Variants in BAIAP2L1 observed in about 807,000 individuals in gnomAD.
BAIAP2L1 encodes the protein BAR/IMD domain containing adaptor protein 2 like 1, also known as BAR/IMD domain-containing adapter protein 2-like 1.
BAIAP2L1 carries 35 observed loss-of-function variants against 66.3 expected under a neutral mutation model. The ratio of observed to expected loss-of-function variants is 0.53; its 90% CI spans 0.40 to 0.70. The LOEUF (loss-of-function observed/expected upper bound fraction) is 0.70. Among genes scored for constraint, BAIAP2L1 ranks in the 30% least tolerant of loss-of-function variants. The probability of loss-of-function intolerance (pLI) is 0.00; values close to 1 mark genes in which losing one functional copy is unlikely to be tolerated. For synonymous variants in BAIAP2L1, 269 were observed against 248.7 expected, an observed-to-expected ratio of 1.08 and a Z score of -0.77; for missense variants, 622 against 656.9, an observed-to-expected ratio of 0.95 and a Z score of 0.58.
At chr7:98,319,061 T>C (rs1035465309) in intron 5 of BAIAP2L1, among the ~76,000 whole-genome samples, 1 of 152,138 alleles carries the variant, frequency 6.6e-6, no homozygotes, top group South Asian at 2.1e-4. Context: ...GTCCGGGTCC[T>C]GTGGCCTCCT....
Position 98,320,318 on chromosome 7 carries a change from T to A in BAIAP2L1, c.215-20A>T. The A allele has an allele frequency of 6.4e-7, 1 of 1,554,290 alleles. No individual in the cohort carries two copies. The highest frequency in any genetic ancestry group is 1.2e-5 in the South Asian group (1 of 85,120). ...CATGTCCTGGGAACAAAACCAGATATGTTAGCGGGAAGCCATTGCGTATTT... is the reference window on the plus strand; with the variant it reads ...CATGTCCTGGGAACAAAACCAGATAAGTTAGCGGGAAGCCATTGCGTATTT... On this transcript the variant is annotated intron_variant, in intron 3 of 13. Coordinates refer to ENST00000005260, the MANE Select transcript of BAIAP2L1 (RefSeq NM_018842.5).
At chr7:98,361,738 CTTTT>C (rs1388923492) in intron 2 of BAIAP2L1, among the ~76,000 whole-genome samples, 2 of 151,908 alleles carry the variant, frequency 1.3e-5, no homozygotes, top group Middle Eastern at 3.2e-3. Context: ...AAAATTTCTT[CTTTT>C]TTTTCTTTTT....
At chr7:98,359,745 GTTT>G (rs780836343) in intron 2 of BAIAP2L1, among the ~76,000 whole-genome samples, 1 of 109,026 alleles carries the variant, frequency 9.2e-6, no homozygotes, top group East Asian at 2.7e-4. Context: ...GTAGACCTGG[GTTT>G]TTTTTTTTTT....
At chr7:98,378,002 T>C (rs995775376) in intron 1 of BAIAP2L1, among the ~76,000 whole-genome samples, 2 of 150,912 alleles carry the variant, frequency 1.3e-5, no homozygotes, top group Non-Finnish European at 1.5e-5. Context: ...CTGGGCATAG[T>C]GGCGCATGCC....
intron 1 of BAIAP2L1, among the ~76,000 whole-genome samples, chr7:98,380,148 C>T (rs976019188): frequency 6.6e-6 from 1 of 150,502 alleles, no homozygotes; most frequent in Non-Finnish European, 1.5e-5. Context: ...TGTGATCAGA[C>T]CTCATGGTAA....
intron 3 of BAIAP2L1, among the ~76,000 whole-genome samples, chr7:98,332,854 T>C (rs530829057): frequency 1.0e-4 from 15 of 147,004 alleles, no homozygotes; most frequent in Admixed American, 2.7e-4. Context: ...CTCTCCTCAG[T>C]TGACAACCTC....
chr7:98,344,413 T>C (rs934284893), intron 3 of BAIAP2L1, among the ~76,000 whole-genome samples: 1 of 152,240 alleles, frequency 6.6e-6, no homozygotes, highest in Non-Finnish European at 1.5e-5. Flanking sequence ...CACTTTCAAA[T>C]ATACTTGAAG....
rs138298503 is a variant in BAIAP2L1, at chr7:98,346,718, T to C, written c.214+8324A>G. ...GCTGCGTTGCCTCCTTGTCTCCCAG[T>C]GATAACCCAGGCGATGTTACAAAAA... is the stretch of plus-strand genomic sequence containing the variant. On this transcript the variant is annotated intron_variant, in intron 3 of 13. Coordinates refer to ENST00000005260, the MANE Select transcript of BAIAP2L1 (RefSeq NM_018842.5). 5.9e-3 allele frequency among the ~76,000 whole-genome samples: 892 copies of C among 152,284 alleles called. 18 individuals carry two copies. Among genetic ancestry groups the C allele is most frequent in the African/African-American group, 0.02 (838 of 41,562 alleles).
intron 12 of BAIAP2L1, among the ~76,000 whole-genome samples, chr7:98,302,025 T>G (rs1409905681): frequency 6.6e-6 from 1 of 152,066 alleles, no homozygotes. Flanking sequence ...GTAAGAGGCG[T>G]GCACCGTGCG....
intron 1 of BAIAP2L1, among the ~76,000 whole-genome samples, chr7:98,380,988 T>TC (rs1344875089): frequency 2.0e-5 from 3 of 151,990 alleles, no homozygotes; most frequent in Non-Finnish European, 4.4e-5. Context: ...GCACAGGTCA[T>TC]CCCCCGTCCT....
chr7:98,317,314 C>CT lies in BAIAP2L1; in HGVS notation c.390dup (p.Glu131ArgfsTer9). ...TCAGCTTGGGATTTCTCCAAAGACT[C>CT]TAATTTATTCTTGTGTTCTGTTTGG... is the stretch of plus-strand genomic sequence containing the variant. On this transcript the variant is annotated frameshift_variant, in exon 6 of 14. Coordinates refer to ENST00000005260, the MANE Select transcript of BAIAP2L1 (RefSeq NM_018842.5). LOFTEE classifies it high-confidence loss of function. 1 of 1,614,196 alleles carries CT rather than the reference C, an allele frequency of 6.2e-7. No homozygotes were observed. The highest frequency in any genetic ancestry group is 8.5e-7 in the Non-Finnish European group (1 of 1,180,022).
chr7:98,319,608 G>A (rs988770741), intron 5 of BAIAP2L1, among the ~76,000 whole-genome samples: 3 of 149,740 alleles, frequency 2.0e-5, no homozygotes, highest in African/African-American at 7.4e-5. Context: ...GTGCAGTGGC[G>A]CAATCTTGGC....
At chr7:98,305,064 T>C (rs554819598) in intron 11 of BAIAP2L1, among the ~76,000 whole-genome samples, 1 of 147,316 alleles carries the variant, frequency 6.8e-6, no homozygotes, top group East Asian at 2.0e-4. Context: ...TTTTTTTTTT[T>C]TTTTTTAGTA....
At chr7:98,340,621 G>A (rs930558455) in intron 3 of BAIAP2L1, among the ~76,000 whole-genome samples, 3 of 151,970 alleles carry the variant, frequency 2.0e-5, no homozygotes, top group African/African-American at 2.4e-5. Flanking sequence ...AGTACATTGA[G>A]TATATATATA....
In BAIAP2L1 at chr7:98,361,801, T is replaced by C. The variant is rs562496242; in HGVS notation, c.127+556A>G. Among the ~76,000 whole-genome samples the C allele has an allele frequency of 4.9e-4, 74 of 152,240 alleles. 1 individual carries two copies. Among genetic ancestry groups the C allele is most frequent in the African/African-American group, 1.7e-3 (72 of 41,548 alleles). ...CTCAGGCTGGGGTGCAGTGGCACTA[T>C]CACAGCTCATTACAGCCTCAGCCTC... On this transcript the variant is annotated intron_variant, in intron 2 of 13. Coordinates refer to ENST00000005260, the MANE Select transcript of BAIAP2L1 (RefSeq NM_018842.5).
At chr7:98,380,769 AACCACCACCACCGCCACTACC>A (rs1381972435) in intron 1 of BAIAP2L1, among the ~76,000 whole-genome samples, 10 of 148,026 alleles carry the variant, frequency 6.8e-5, no homozygotes, top group African/African-American at 2.2e-4. Context: ...AAAAAAAAGG[AACCACCACCACCGCCACTACC>A]ACCACCACCA....
intron 1 of BAIAP2L1, among the ~76,000 whole-genome samples, chr7:98,396,655 C>T (rs117361403): frequency 1.6e-4 from 25 of 152,118 alleles, no homozygotes; most frequent in Non-Finnish European, 2.9e-4. Context: ...ATTTGCCAGG[C>T]GTGGCGGCTG....
chr7:98,371,826 G>A (rs1280991533), intron 1 of BAIAP2L1, among the ~76,000 whole-genome samples: 2 of 148,744 alleles, frequency 1.3e-5, no homozygotes, highest in Non-Finnish European at 3.0e-5. Context: ...ACGGAGTCTC[G>A]CTCTGTCACC....
chr7:98,355,463 C>T (rs915610708), intron 2 of BAIAP2L1: 5 of 263,098 alleles, frequency 1.9e-5, no homozygotes, highest in South Asian at 1.1e-4. Flanking sequence ...TGCCTGGGCA[C>T]GGTGGCTCAC....
Sources: gnomAD v4.1 joint callset for allele counts (sites outside exome capture counted in the v4.1 genomes callset) on GRCh38, gnomAD v4.1.1 for gene constraint, MANE v1.5 for transcripts, NCBI Gene and HGNC (gene_info 2026-07-23, HGNC 2026-07-21) for gene names.